Variants in FARP1 observed in about 807,000 individuals in gnomAD.
FARP1 encodes FERM, ARHGEF and pleckstrin domain-containing protein 1.
FARP1 carries 52 observed loss-of-function variants against 128.8 expected under a neutral mutation model. The ratio of observed to expected loss-of-function variants is 0.40; its 90% CI spans 0.32 to 0.51. The LOEUF is 0.51. FARP1 is among the 20% of genes least tolerant of loss of function. FARP1 has a pLI of 0.45. For synonymous variants in FARP1, 580 were observed against 551.8 expected (o/e 1.05, Z -0.72); for missense variants, 1,333 against 1,367.9 (o/e 0.97, Z 0.40).
intron 6 of FARP1, among the ~76,000 whole-genome samples, chr13:98,379,224 CTATCTA>C (rs1161408305): frequency 9.3e-6 from 1 of 107,876 alleles, no homozygotes; most frequent in Non-Finnish European, 1.7e-5. Context: ...AATATATAAT[CTATCTA>C]TATATAATCT....
chr13:98,324,605 A>T (rs16955330), intron 2 of FARP1, among the ~76,000 whole-genome samples: 3,570 of 152,294 alleles, frequency 0.023, 125 homozygotes, highest in African/African-American at 0.079. Context: ...TATTTTCAGA[A>T]AAAAAAGGCG....
At position 98,450,960 on chromosome 13, in the gene FARP1, T is replaced by G. The variant is rs1317536949; in HGVS notation, c.*2643T>G. ...CCCCACCTCCCCCGACAGGAAATGC[T>G]GCCAGTCAACTCTAAAAGAACCACT... On this transcript the variant is annotated 3_prime_UTR_variant, in exon 27 of 27. Transcript: ENST00000319562. 6.6e-6 allele frequency: 1 copy of G among 152,238 alleles called. No individual in the cohort carries two copies. Among genetic ancestry groups the G allele is most frequent in the Non-Finnish European group, 1.5e-5 (1 of 68,084 alleles). The allele number at this position is 152,238 out of a possible 1,614,324, so 9.4% of individuals were successfully genotyped here. A position where few individuals can be genotyped will look rare whatever the true frequency, so the allele number is the denominator to read the frequency against.
intron 2 of FARP1, among the ~76,000 whole-genome samples, chr13:98,291,622 C>G (rs955959916): frequency 6.6e-6 from 1 of 152,192 alleles, no homozygotes; most frequent in Admixed American, 6.5e-5. Context: ...CCCAGCAACA[C>G]TGTTCTGAGC....
At chr13:98,287,355 G>C (rs1204132156) in intron 2 of FARP1, among the ~76,000 whole-genome samples, 1 of 150,280 alleles carries the variant, frequency 6.7e-6, no homozygotes, top group Non-Finnish European at 1.5e-5. Flanking sequence ...TCAGCCTCCC[G>C]AGTAGCTGGG....
At chr13:98,158,545 T>C (rs939988974) in intron 1 of FARP1, among the ~76,000 whole-genome samples, 24 of 152,276 alleles carry the variant, frequency 1.6e-4, no homozygotes, top group African/African-American at 5.5e-4. Flanking sequence ...GTTGTCCAGG[T>C]CAGTGGGATG....
chr13:98,157,757 G>A (rs1481377211), intron 1 of FARP1, among the ~76,000 whole-genome samples: 2 of 152,220 alleles, frequency 1.3e-5, no homozygotes, highest in African/African-American at 2.4e-5. Context: ...CTCACTTAGA[G>A]CAACTTCTAC....
chr13:98,278,292 ATGTGTG>A lies in FARP1; in HGVS notation c.171+64888_171+64893del, dbSNP rs61379815. On this transcript the variant is annotated intron_variant, in intron 2 of 26. Coordinates refer to ENST00000319562, the MANE Select transcript of FARP1 (RefSeq NM_005766.4). ...GTATATTTTGTGAATGTGTGTATGT[ATGTGTG>A]TGTGTGTGAGAGTATACTGCAAGTG... is the stretch of plus-strand genomic sequence containing the variant. Among the ~76,000 whole-genome samples, 1,123 of 149,460 alleles carry A rather than the reference ATGTGTG, an allele frequency of 7.5e-3. 12 individuals carry two copies. Among genetic ancestry groups the A allele is most frequent in the African/African-American group, 0.027 (1,083 of 40,624 alleles).
intron 1 of FARP1, among the ~76,000 whole-genome samples, chr13:98,199,745 A>G (rs1000182411): frequency 1.3e-5 from 2 of 152,212 alleles, no homozygotes; most frequent in African/African-American, 4.8e-5. Context: ...GCCTGTTTAC[A>G]TTGCAGTGAC....
intron 13 of FARP1, chr13:98,406,560 G>A (rs753396876): frequency 1.3e-5 from 2 of 149,540 alleles, no homozygotes; most frequent in African/African-American, 5.0e-5. Context: ...GTCGTTCCAA[G>A]TCTGCAGAGC....
At chr13:98,177,332 A>C in intron 1 of FARP1, 1 of 956,268 alleles carries the variant, frequency 1.0e-6, no homozygotes, top group Non-Finnish European at 1.5e-6. Flanking sequence ...CAGTTCTAAA[A>C]AGCAAAAGCA....
In FARP1 at chr13:98,385,673, A is replaced by G. The variant is rs1890067921; in HGVS notation, c.618A>G (p.Gln206=). ...TTAATTTTTGTTTTGTCAGTGGACA[A>G]ACACCAGCAGAATCAGATTTCCAGC... ...IVEFHHNHIG[Q]TPAESDFQLL... Residue 206 remains glutamine, a synonymous_variant, in exon 8 of 27, where the codon CAA becomes CAG. Coordinates refer to ENST00000319562, the MANE Select transcript of FARP1 (RefSeq NM_005766.4). 1 of 1,614,218 alleles carries G rather than the reference A, an allele frequency of 6.2e-7. No individual in the cohort carries two copies. The highest frequency in any genetic ancestry group is 8.5e-7 in the Non-Finnish European group (1 of 1,180,050).
chr13:98,251,682 CAA>C (rs745852802), intron 2 of FARP1, among the ~76,000 whole-genome samples: 11 of 90,492 alleles, frequency 1.2e-4, no homozygotes, highest in Non-Finnish European at 1.6e-4. Flanking sequence ...GACTCCATCT[CAA>C]AAAAAAAAAA....
intron 1 of FARP1, among the ~76,000 whole-genome samples, chr13:98,212,810 A>G (rs1345696106): frequency 6.6e-6 from 1 of 152,166 alleles, no homozygotes; most frequent in African/African-American, 2.4e-5. Flanking sequence ...TTATCTTTAG[A>G]ATACCCACAG....
At chr13:98,181,202 A>G (rs2139201590) in intron 1 of FARP1, among the ~76,000 whole-genome samples, 1 of 152,290 alleles carries the variant, frequency 6.6e-6, no homozygotes. Flanking sequence ...CTACTAAGTG[A>G]AGGAAAAAAT....
At chr13:98,247,865 G>A (rs1434235835) in intron 2 of FARP1, among the ~76,000 whole-genome samples, 1 of 152,206 alleles carries the variant, frequency 6.6e-6, no homozygotes, top group Admixed American at 6.5e-5. Flanking sequence ...CCACGGATGT[G>A]GTCATCAGCT....
chr13:98,379,153 T>A (rs1270898627), intron 6 of FARP1, among the ~76,000 whole-genome samples: 2 of 73,014 alleles, frequency 2.7e-5, no homozygotes, highest in Non-Finnish European at 4.6e-5. Flanking sequence ...CTATATATAA[T>A]ATATATATAA....
chr13:98,377,250 C>T (rs533367631), intron 5 of FARP1, among the ~76,000 whole-genome samples: 12 of 149,932 alleles, frequency 8.0e-5, no homozygotes, highest in Admixed American at 1.3e-4. Context: ...TTCAGTGAGG[C>T]GAGATCACGC....
intron 1 of FARP1, among the ~76,000 whole-genome samples, chr13:98,151,658 A>ATTTTTTTTTTTTTTTT (rs1197060435): frequency 1.2e-4 from 3 of 24,172 alleles, no homozygotes; most frequent in Non-Finnish European, 3.3e-4. Context: ...TATATCTTCC[A>ATTTTTTTTTTTTTTTT]TCTTTTTTTT....
At chr13:98,232,691 C>CA (rs1566773831) in intron 2 of FARP1, among the ~76,000 whole-genome samples, 1 of 152,064 alleles carries the variant, frequency 6.6e-6, no homozygotes, top group African/African-American at 2.4e-5. Flanking sequence ...ACTGGGAAAC[C>CA]AAAAAATTTG....
Sources: allele counts gnomAD v4.1 joint callset (sites outside exome capture counted in the v4.1 genomes callset), GRCh38; gene constraint gnomAD v4.1.1; transcripts MANE v1.5; gene names NCBI Gene and HGNC (gene_info 2026-07-23, HGNC 2026-07-21).